CLVS1: variants seen among roughly 807,000 people sequenced by gnomAD.
CLVS1 encodes the protein clavesin 1, also known as clavesin-1.
In CLVS1, 10 loss-of-function variants were observed where a neutral mutation model predicts 33.1. The ratio of observed to expected loss-of-function variants is 0.30; its 90% CI spans 0.19 to 0.51. The LOEUF is 0.51. Ranked by LOEUF, CLVS1 falls within the 20% of genes least tolerant of loss-of-function variation. The pLI is 0.97. For synonymous variants in CLVS1, 163 were observed against 166.1 expected (o/e 0.98, Z 0.14); for missense variants, 343 against 433.4 (o/e 0.79, Z 1.85).
chr8:61,090,539 G>A lies in CLVS1; in HGVS notation c.-243+33309G>A, dbSNP rs1387582736. Among the ~76,000 whole-genome samples, 5 of 151,246 alleles carry A rather than the reference G, an allele frequency of 3.3e-5. No homozygotes were observed. The East Asian group carries it at 7.7e-4, about 23-fold the overall frequency. On this transcript the variant is annotated intron_variant, in intron 1 of 2. Coordinates refer to the CLVS1 transcript ENST00000522621. Reference sequence around the variant, plus strand: ...CATGTGCTACCCTTTAAAAAAAAAAGCGTGATTCCAAGGGTGGATCCGTGA... The same window carrying A: ...CATGTGCTACCCTTTAAAAAAAAAAACGTGATTCCAAGGGTGGATCCGTGA...
chr8:61,393,969 T>G (rs1814411955), intron 3 of CLVS1, among the ~76,000 whole-genome samples: 1 of 152,212 alleles, frequency 6.6e-6, no homozygotes, highest in East Asian at 1.9e-4. Context: ...GCAATGCAAT[T>G]TCTGCATTCC....
the CLVS1 span, among the ~76,000 whole-genome samples, chr8:60,979,971 G>A: frequency 1.3e-5 from 2 of 152,198 alleles, no homozygotes; most frequent in African/African-American, 4.8e-5. Flanking sequence ...AATTGAAAAA[G>A]ACATGATCTC....
At chr8:61,447,640 G>A (rs1045574676) in intron 3 of CLVS1, among the ~76,000 whole-genome samples, 1 of 151,770 alleles carries the variant, frequency 6.6e-6, no homozygotes, top group African/African-American at 2.4e-5. Flanking sequence ...AGTGAAGTAT[G>A]GAAAACTTAC....
chr8:60,971,195 G>A, the CLVS1 span, among the ~76,000 whole-genome samples: 3 of 149,376 alleles, frequency 2.0e-5, no homozygotes, highest in Non-Finnish European at 4.4e-5. Context: ...TCCCACCTCA[G>A]CCTTGCGAGT....
intron 5 of CLVS1, among the ~76,000 whole-genome samples, chr8:61,495,052 C>A (rs1804222701): frequency 6.6e-6 from 1 of 152,144 alleles, no homozygotes; most frequent in Non-Finnish European, 1.5e-5. Context: ...GTTAAGAGAG[C>A]CTGCATTCTG....
chr8:61,482,885 G>T (rs1586040953), intron 5 of CLVS1, among the ~76,000 whole-genome samples: 1 of 152,300 alleles, frequency 6.6e-6, no homozygotes, highest in African/African-American at 2.4e-5. Context: ...GATGTTCTTT[G>T]AAACCAATGA....
intron 2 of CLVS1, among the ~76,000 whole-genome samples, chr8:61,276,933 TTC>T (rs1156481441): frequency 6.6e-6 from 1 of 152,336 alleles, no homozygotes; most frequent in East Asian, 1.9e-4. Flanking sequence ...GCTGCTATTG[TTC>T]TCTCTGTCAA....
chr8:61,039,304 A>T, the CLVS1 span, among the ~76,000 whole-genome samples: 1 of 152,188 alleles, frequency 6.6e-6, no homozygotes, highest in African/African-American at 2.4e-5. Flanking sequence ...TTTCATTTTT[A>T]AAAATGCTAG....
intron 1 of CLVS1, 117 bp downstream of exon 1, chr8:61,288,255 T>A (rs758430749): frequency 2.2e-6 from 1 of 456,394 alleles, no homozygotes; most frequent in African/African-American, 2.0e-5. Flanking sequence ...AGCTCCCATC[T>A]GCAATCCCTC....
the CLVS1 span, among the ~76,000 whole-genome samples, chr8:61,034,631 A>G: frequency 4.0e-4 from 61 of 152,186 alleles, no homozygotes; most frequent in African/African-American, 1.2e-3. Context: ...AGTTTTACCA[A>G]TTCTCTCAGG....
At chr8:61,483,885 C>T (rs558890278) in intron 5 of CLVS1, among the ~76,000 whole-genome samples, 2 of 152,222 alleles carry the variant, frequency 1.3e-5, no homozygotes, top group South Asian at 2.1e-4. Flanking sequence ...AAGGCTCCGA[C>T]AAAATTCAAC....
intron 2 of CLVS1, among the ~76,000 whole-genome samples, chr8:61,159,946 G>A (rs1806720547): frequency 6.6e-6 from 1 of 152,214 alleles, no homozygotes; most frequent in South Asian, 2.1e-4. Flanking sequence ...ATTTGTGGGA[G>A]GCCTTCAGAA....
At chr8:61,056,169 G>A (rs1804470396), upstream of CLVS1, among the ~76,000 whole-genome samples, 1 of 152,196 alleles carries the variant, frequency 6.6e-6, no homozygotes, top group Non-Finnish European at 1.5e-5. Context: ...GGGTAAAGAG[G>A]CAGTAGTTTC....
chr8:61,494,184 A>G (rs1381882794), intron 5 of CLVS1, among the ~76,000 whole-genome samples: 2 of 152,202 alleles, frequency 1.3e-5, no homozygotes, highest in African/African-American at 4.8e-5. Context: ...CACAACTAGA[A>G]TCAGTAAAAA....
At chr8:61,197,498 TTTG>T (rs556563745) in intron 2 of CLVS1, among the ~76,000 whole-genome samples, 429 of 151,934 alleles carry the variant, frequency 2.8e-3, no homozygotes, top group Non-Finnish European at 3.5e-3. Context: ...ATTCCTCCAG[TTTG>T]TTGTTGTTGT....
intron 2 of CLVS1, among the ~76,000 whole-genome samples, chr8:61,257,721 T>TA (rs950141614): frequency 8.5e-5 from 13 of 152,112 alleles, no homozygotes; most frequent in African/African-American, 2.9e-4. Context: ...GGACCTAATT[T>TA]AAAAAAATAA....
intron 5 of CLVS1, among the ~76,000 whole-genome samples, chr8:61,469,098 G>T (rs1316323340): frequency 6.6e-6 from 1 of 152,154 alleles, no homozygotes; most frequent in African/African-American, 2.4e-5. Context: ...GCCTATCCTG[G>T]CCATGACCAC....
At chr8:61,282,362 A>G (rs1477639432) in intron 2 of CLVS1, among the ~76,000 whole-genome samples, 2 of 152,130 alleles carry the variant, frequency 1.3e-5, no homozygotes, top group Non-Finnish European at 2.9e-5. Flanking sequence ...AGCAGGGGAA[A>G]TGGTTGGAGA....
intron 1 of CLVS1, among the ~76,000 whole-genome samples, chr8:61,094,684 G>A (rs896329200): frequency 6.6e-6 from 1 of 152,182 alleles, no homozygotes; most frequent in Non-Finnish European, 1.5e-5. Flanking sequence ...TGGCGTCCTT[G>A]TAGATTAGGA....
Sources: gnomAD v4.1 joint callset for allele counts (sites outside exome capture counted in the v4.1 genomes callset) on GRCh38, gnomAD v4.1.1 for gene constraint, MANE v1.5 for transcripts, NCBI Gene and HGNC (gene_info 2026-07-23, HGNC 2026-07-21) for gene names.